Variants in SNX8 observed in about 807,000 individuals in gnomAD.
SNX8 encodes the protein sorting nexin 8.
A neutral mutation model predicts 51.6 loss-of-function variants in SNX8; 25 were observed. The ratio of observed to expected loss-of-function variants is 0.48; its 90% CI spans 0.35 to 0.68. SNX8 has a LOEUF of 0.68. Ranked by LOEUF, SNX8 falls within the 30% of genes least tolerant of loss-of-function variation. The pLI, the probability that SNX8 is intolerant of heterozygous loss-of-function variation, is 0.00. For synonymous variants in SNX8, 324 were observed against 277.0 expected, an observed-to-expected ratio of 1.17 and a Z score of -1.68; for missense variants, 695 against 624.0, an observed-to-expected ratio of 1.11 and a Z score of -1.21.
chr7:2,310,548 A>G (rs976212651), intron 1 of SNX8, among the ~76,000 whole-genome samples: 4 of 152,276 alleles, frequency 2.6e-5, no homozygotes, highest in Admixed American at 1.3e-4. Flanking sequence ...CAGGCAGATC[A>G]TGAGGTCAGG....
intron 1 of SNX8, among the ~76,000 whole-genome samples, chr7:2,321,156 A>G (rs754840491): frequency 7.0e-4 from 107 of 152,348 alleles, no homozygotes; most frequent in Non-Finnish European, 2.1e-4. Flanking sequence ...AGAACACAGC[A>G]GAATTCTCAC....
chr7:2,319,042 A>C (rs146052327), upstream of SNX8, among the ~76,000 whole-genome samples: 43 of 151,774 alleles, frequency 2.8e-4, no homozygotes, highest in African/African-American at 9.2e-4. Context: ...TTGTTGCACT[A>C]AAAAACTGTA....
intron 1 of SNX8, among the ~76,000 whole-genome samples, chr7:2,347,606 C>T (rs1269324458): frequency 3.5e-5 from 5 of 143,742 alleles, no homozygotes; most frequent in African/African-American, 1.0e-4. Flanking sequence ...TGGGGCCACA[C>T]TGGATTCTTT....
chr7:2,260,821 C>A (rs557690336), intron 7 of SNX8, among the ~76,000 whole-genome samples: 1 of 152,314 alleles, frequency 6.6e-6, no homozygotes, highest in African/African-American at 2.4e-5. Context: ...CAAAACACAA[C>A]TCATGAGATG....
Position 2,263,306 on chromosome 7 carries a change from G to A in SNX8, c.839C>T (p.Thr280Met), listed in dbSNP as rs780829979. Residue 280 changes from threonine to methionine, a missense_variant, in exon 7 of 11, where the codon ACG (threonine) becomes ATG (methionine). Physicochemically the swap from Thr to Met is moderately conservative, Grantham distance 81. Transcript: ENST00000222990. The stretch of plus-strand genomic sequence containing the variant: ...CAGAGCCTGCTTCAGGGACCCCCAC[G>A]TGCTGCTATTCAGAGCGGCCCAGGA... ...LPSWAALNSS[T>M]WGSLKQALKG... 1.1e-5 allele frequency: 18 copies of A among 1,613,670 alleles called. No individual in the cohort carries two copies. In the East Asian group the frequency reaches 2.0e-4, roughly 18 times the overall value.
chr7:2,297,949 G>C (rs1796308691), intron 1 of SNX8, among the ~76,000 whole-genome samples: 1 of 151,792 alleles, frequency 6.6e-6, no homozygotes, highest in Non-Finnish European at 1.5e-5. Context: ...TTATTTTGGT[G>C]ACAAGTACAA....
intron 7 of SNX8, among the ~76,000 whole-genome samples, chr7:2,259,272 C>G (rs2115093964): frequency 6.6e-6 from 1 of 152,328 alleles, no homozygotes; most frequent in East Asian, 1.9e-4. Flanking sequence ...CCTGGGGAAA[C>G]CCCCGACACT....
chr7:2,309,859 A>G, intron 1 of SNX8: 1 of 471,116 alleles, frequency 2.1e-6, no homozygotes. Flanking sequence ...GGGTGCATGG[A>G]AGTCGCCCAG....
intron 1 of SNX8, among the ~76,000 whole-genome samples, chr7:2,351,416 G>A (rs879356445): frequency 9.2e-5 from 14 of 152,154 alleles, no homozygotes; most frequent in African/African-American, 2.4e-4. Context: ...GCCCGATGTG[G>A]TGGTGTGGAT....
intron 1 of SNX8, among the ~76,000 whole-genome samples, chr7:2,326,162 A>C (rs1778618630): frequency 1.3e-5 from 2 of 151,056 alleles, no homozygotes; most frequent in African/African-American, 4.9e-5. Context: ...TCAGGAGTTC[A>C]AGACCAGCCT....
At chr7:2,333,160 T>C (rs1430636930) in intron 1 of SNX8, among the ~76,000 whole-genome samples, 2 of 150,770 alleles carry the variant, frequency 1.3e-5, no homozygotes, top group African/African-American at 4.9e-5. Flanking sequence ...GCAATCCTCC[T>C]GCCTCAGCCT....
intron 1 of SNX8, among the ~76,000 whole-genome samples, chr7:2,341,927 C>T (rs1017154695): frequency 2.0e-5 from 3 of 151,954 alleles, no homozygotes; most frequent in Non-Finnish European, 2.9e-5. Flanking sequence ...GAGCGGAGAT[C>T]GCACCACTGC....
At chr7:2,286,522 ATTTTT>A (rs767398836) in intron 1 of SNX8, among the ~76,000 whole-genome samples, 1 of 71,986 alleles carries the variant, frequency 1.4e-5, no homozygotes, top group African/African-American at 3.4e-5. Flanking sequence ...CTATTTTATA[ATTTTT>A]TTTTTTTTTT....
intron 3 of SNX8, 51 bp downstream of exon 3, chr7:2,275,061 G>A (rs752731365): frequency 1.6e-6 from 2 of 1,259,154 alleles, no homozygotes; most frequent in South Asian, 1.2e-5. Flanking sequence ...ACAGGGTCCA[G>A]GAGATGGGCT....
rs1795039956 is a variant in SNX8, at chr7:2,251,885, G to C, written c.*3171C>G. 1 of 152,276 alleles carries C rather than the reference G, an allele frequency of 6.6e-6. No homozygotes were observed. The highest frequency in any genetic ancestry group is 6.5e-5 in the Admixed American group (1 of 15,280). The allele number at this position is 152,276 out of a possible 1,614,324, so 9.4% of individuals were successfully genotyped here. A position where few individuals can be genotyped will look rare whatever the true frequency, so the allele number is the denominator to read the frequency against. On this transcript the variant is annotated 3_prime_UTR_variant, in exon 11 of 11. Coordinates refer to ENST00000222990, the MANE Select transcript of SNX8 (RefSeq NM_013321.4). ...TCCCTGCAGCCTCCTAAAGTGCTTT[G>C]GACATGAACTGACCCGCAAAGCAAG...
intron 1 of SNX8, among the ~76,000 whole-genome samples, chr7:2,287,483 G>A (rs144902701): frequency 6.5e-4 from 98 of 151,826 alleles, no homozygotes; most frequent in African/African-American, 2.2e-3. Context: ...GGAGGCTGAG[G>A]CAGGACAATC....
At chr7:2,299,894 T>C (rs531755925) in intron 1 of SNX8, among the ~76,000 whole-genome samples, 197 of 152,200 alleles carry the variant, frequency 1.3e-3, no homozygotes, top group Middle Eastern at 3.4e-3. Context: ...GCCAGCATAA[T>C]GGGCCAAGTG....
chr7:2,267,439 CA>C (rs1265943601), intron 5 of SNX8, among the ~76,000 whole-genome samples: 6 of 136,840 alleles, frequency 4.4e-5, no homozygotes, highest in African/African-American at 1.5e-4. Flanking sequence ...TCTCCTGCCT[CA>C]GTCTGCCGAA....
At position 2,264,471 on chromosome 7, in the gene SNX8, T is replaced by TG; in HGVS notation, c.622-14dup. Reference sequence around the variant, plus strand: ...CTGGGAGGAAGTCCTGACATCATGATGGGGGGAGAGACACTGTGTTAGTCG... The same window carrying TG: ...CTGGGAGGAAGTCCTGACATCATGATGGGGGGGAGAGACACTGTGTTAGTCG... On this transcript the variant is annotated splice_polypyrimidine_tract_variant and intron_variant, in intron 5 of 10. Coordinates refer to ENST00000222990, the MANE Select transcript of SNX8 (RefSeq NM_013321.4). The TG allele has an allele frequency of 1.2e-6, 2 of 1,606,648 alleles. No homozygotes were observed. The highest frequency in any genetic ancestry group is 8.5e-7 in the Non-Finnish European group (1 of 1,178,240).
Sources: gnomAD v4.1 joint callset for allele counts (sites outside exome capture counted in the v4.1 genomes callset) on GRCh38, gnomAD v4.1.1 for gene constraint, MANE v1.5 for transcripts, NCBI Gene and HGNC (gene_info 2026-07-23, HGNC 2026-07-21) for gene names.